MEGF6: variants seen among roughly 807,000 people sequenced by gnomAD.
MEGF6 encodes multiple EGF like domains 6.
A neutral mutation model predicts 207.1 loss-of-function variants in MEGF6; 184 were observed. The ratio of observed to expected loss-of-function variants is 0.89; its 90% CI spans 0.79 to 1.00. The LOEUF (loss-of-function observed/expected upper bound fraction) is 1.00, where lower values mean the gene tolerates loss of function less well. Ranked by LOEUF, MEGF6 falls within the 50% of genes least tolerant of loss-of-function variation. The pLI, the probability that MEGF6 is intolerant of heterozygous loss-of-function variation, is 0.00. For missense variants in MEGF6, 2,282 were observed against 2,202.9 expected, an observed-to-expected ratio of 1.04 and a Z score of -0.72; for synonymous variants, 1,038 against 910.0, an observed-to-expected ratio of 1.14 and a Z score of -2.53.
chr1:3,514,784 T>C (rs1325543056), intron 6 of MEGF6, 112 bp from the exon 7 acceptor site: 2 of 1,240,852 alleles, frequency 1.6e-6, no homozygotes, highest in East Asian at 5.2e-5. Context: ...CCCCACTCTG[T>C]GCTCCAGGCT....
chr1:3,611,530 A>T, upstream of MEGF6: 1 of 352,312 alleles, frequency 2.8e-6, no homozygotes. Context: ...AGAGCCTGGA[A>T]AGCCGCCACG....
chr1:3,491,002 T>C (rs1490846323), intron 35 of MEGF6, 43 bp from the exon 36 acceptor site: 1 of 1,538,570 alleles, frequency 6.5e-7, no homozygotes, highest in Admixed American at 2.2e-5. Context: ...CCCCCAGCCT[T>C]GAGTGAGCCA....
At chr1:3,608,159 G>A (rs1644278827) in intron 1 of MEGF6, among the ~76,000 whole-genome samples, 1 of 152,114 alleles carries the variant, frequency 6.6e-6, no homozygotes, top group South Asian at 2.1e-4. Context: ...TGCTTCCCAG[G>A]GCCCCATGCA....
intron 35 of MEGF6, 102 bp from the exon 36 acceptor site, chr1:3,491,061 A>G: frequency 9.5e-7 from 1 of 1,054,734 alleles, no homozygotes. Context: ...AGGGACCTCC[A>G]CTTCCCCCGC....
rs188261325 is a variant in MEGF6, at chr1:3,505,523, G to A, written c.1952C>T (p.Ser651Leu). 2.9e-5 allele frequency: 47 copies of A among 1,597,052 alleles called. No homozygotes were observed. The highest frequency in any genetic ancestry group is 2.8e-4 in the African/African-American group (21 of 74,582). ...GGGCTGCACACACTGGCACTCCTCC[G>A]AGCAGCCCGGCCCAAAGGCCCACGG... is the stretch of plus-strand genomic sequence containing the variant. ...CPPWAFGPGC[S>L]EECQCVQPHT... Residue 651 changes from serine (S) to leucine (L), a missense_variant, in exon 16 of 37, where the codon TCG becomes TTG. Physicochemically the swap from Ser to Leu is moderately radical, Grantham distance 145 (BLOSUM62 -2). Transcript: ENST00000356575.
chr1:3,492,175 A>G (rs2100818316), intron 35 of MEGF6, among the ~76,000 whole-genome samples: 1 of 152,152 alleles, frequency 6.6e-6, no homozygotes, highest in East Asian at 1.9e-4. Context: ...GCACACATGC[A>G]CACACACCCT....
chr1:3,513,543 G>A (rs1278648940), intron 7 of MEGF6, among the ~76,000 whole-genome samples: 1 of 145,792 alleles, frequency 6.9e-6, no homozygotes, highest in African/African-American at 2.6e-5. Context: ...CTCTCAAAGT[G>A]CTGGGATTAC....
At chr1:3,541,152 C>A (rs552590770) in intron 4 of MEGF6, among the ~76,000 whole-genome samples, 17 of 152,214 alleles carry the variant, frequency 1.1e-4, no homozygotes, top group African/African-American at 4.1e-4. Flanking sequence ...AATGCTCCTG[C>A]GCCCTCTGGG....
At chr1:3,510,330 C>T (rs1641292171) in intron 10 of MEGF6, among the ~76,000 whole-genome samples, 1 of 151,464 alleles carries the variant, frequency 6.6e-6, no homozygotes, top group African/African-American at 2.4e-5. Context: ...CACAGCCCTC[C>T]AGGCAGCAGG....
At chr1:3,574,741 C>A (rs1363072261) in intron 4 of MEGF6, among the ~76,000 whole-genome samples, 1 of 152,214 alleles carries the variant, frequency 6.6e-6, no homozygotes, top group Admixed American at 6.5e-5. Flanking sequence ...CTCCCAGGTT[C>A]AATCAATCCT....
chr1:3,501,689 A>C, intron 18 of MEGF6, 107 bp downstream of exon 18: 1 of 1,430,790 alleles, frequency 7.0e-7, no homozygotes, highest in Non-Finnish European at 9.3e-7. Context: ...CACCTGCTAT[A>C]GACGGGCCTG....
intron 4 of MEGF6, among the ~76,000 whole-genome samples, chr1:3,536,347 G>GA (rs1444235901): frequency 6.6e-6 from 1 of 152,180 alleles, no homozygotes; most frequent in Non-Finnish European, 1.5e-5. Context: ...GGGGTACGGG[G>GA]GCATCGCCCC....
Position 3,573,104 on chromosome 1 carries a change from G to C in MEGF6, c.481+6721C>G, listed in dbSNP as rs982377781. Among the ~76,000 whole-genome samples the C allele has an allele frequency of 2.9e-4, 43 of 148,762 alleles. No individual in the cohort carries two copies. Among genetic ancestry groups the C allele is most frequent in the Admixed American group, 7.4e-4 (11 of 14,952 alleles). On this transcript the variant is annotated intron_variant, in intron 4 of 36. Transcript: ENST00000356575. This position sits in a 1 kb window ranked among gnomAD's most constrained non-coding sequence, Gnocchi z 5.1. ...CCTCAGGTGTGCTGGGTCCTTCCTG[G>C]TATGCTGGGTCCTCCTGTGTGTGCT...
the MEGF6 span, chr1:3,624,237 G>C: frequency 6.6e-6 from 1 of 152,546 alleles, no homozygotes; most frequent in Non-Finnish European, 1.5e-5. Context: ...CAGATTGCGG[G>C]TCCGTTCACC....
chr1:3,506,356 G>A (rs1391527229), intron 14 of MEGF6, 120 bp from the exon 15 acceptor site: 25 of 1,269,310 alleles, frequency 2.0e-5, no homozygotes, highest in South Asian at 4.5e-5. Context: ...AGCAGCCCCC[G>A]CCAGGGCACT....
At chr1:3,580,795 G>T (rs748391403) in intron 3 of MEGF6, among the ~76,000 whole-genome samples, 1 of 152,120 alleles carries the variant, frequency 6.6e-6, no homozygotes, top group Non-Finnish European at 1.5e-5. Flanking sequence ...CCCCTGAGGG[G>T]TGCTTGCTGG....
intron 2 of MEGF6, 152 bp from the exon 3 acceptor site, chr1:3,595,599 C>T (rs1309423210): frequency 1.4e-5 from 9 of 638,964 alleles, no homozygotes; most frequent in South Asian, 7.5e-5. Context: ...TGGCTGATGC[C>T]AATGCCCAGC....
intron 4 of MEGF6, among the ~76,000 whole-genome samples, chr1:3,571,703 G>A (rs942741269): frequency 3.7e-5 from 5 of 136,020 alleles, no homozygotes; most frequent in African/African-American, 1.0e-4. Context: ...GGCGTGCTGG[G>A]TTCTCCTGGG....
At chr1:3,542,583 C>T (rs1286607916) in intron 4 of MEGF6, among the ~76,000 whole-genome samples, 1 of 152,200 alleles carries the variant, frequency 6.6e-6, no homozygotes, top group Non-Finnish European at 1.5e-5. Context: ...GGAAGATGGG[C>T]CACACGAGTG....
Sources: gnomAD v4.1 joint callset for allele counts (sites outside exome capture counted in the v4.1 genomes callset) on GRCh38, gnomAD v4.1.1 for gene constraint, Gnocchi (gnomAD v3.1) non-coding constraint, MANE v1.5 for transcripts, NCBI Gene and HGNC (gene_info 2026-07-23, HGNC 2026-07-21) for gene names.